The following STX8 variants were observed in gnomAD, a reference collection of about 807,000 sequenced individuals.
STX8 encodes the protein syntaxin 8.
Under a neutral mutation model 37.5 loss-of-function variants are expected in STX8, and 23 were observed. The observed-to-expected ratio is 0.61, with a 90% CI of 0.44 to 0.87. The LOEUF (loss-of-function observed/expected upper bound fraction) is 0.87, where lower values mean the gene tolerates loss of function less well. Among genes scored for constraint, STX8 ranks in the 40% least tolerant of loss-of-function variants. The pLI is 0.00. For missense variants in STX8, 313 were observed against 284.7 expected, an observed-to-expected ratio of 1.10 and a Z score of -0.71; for synonymous variants, 115 against 99.1, an observed-to-expected ratio of 1.16 and a Z score of -0.95.
At chr17:9,432,851 T>G (rs1307578507) in intron 6 of STX8, among the ~76,000 whole-genome samples, 1 of 152,248 alleles carries the variant, frequency 6.6e-6, no homozygotes, top group East Asian at 1.9e-4. Flanking sequence ...TGATTGTTAT[T>G]AGCTAAAGGT....
chr17:9,398,385 C>G (rs1912483860), intron 6 of STX8, among the ~76,000 whole-genome samples: 1 of 152,106 alleles, frequency 6.6e-6, no homozygotes, highest in South Asian at 2.1e-4. Flanking sequence ...TGTGTAGTAT[C>G]CTACGAAATA....
intron 7 of STX8, among the ~76,000 whole-genome samples, chr17:9,303,881 G>A (rs189684914): frequency 6.6e-6 from 1 of 152,096 alleles, no homozygotes. Context: ...GTTATGTGGA[G>A]ATAACCTTTC....
intron 7 of STX8, among the ~76,000 whole-genome samples, chr17:9,318,762 T>C (rs1909470252): frequency 6.6e-6 from 1 of 152,190 alleles, no homozygotes; most frequent in Non-Finnish European, 1.5e-5. Flanking sequence ...ATGTGAGAAT[T>C]CATAAGGCAT....
intron 7 of STX8, chr17:9,273,425 T>C (rs1010000602): frequency 6.6e-6 from 1 of 152,188 alleles, no homozygotes; most frequent in African/African-American, 2.4e-5. Context: ...AAGATGGGGG[T>C]GAGCCTGGAA....
intron 6 of STX8, among the ~76,000 whole-genome samples, chr17:9,392,572 A>G (rs1237973925): frequency 6.6e-6 from 1 of 152,216 alleles, no homozygotes; most frequent in African/African-American, 2.4e-5. Context: ...GCACCACTAC[A>G]CTTCAGCCTG....
chr17:9,324,909 T>C (rs372474841), intron 7 of STX8, among the ~76,000 whole-genome samples: 1 of 152,198 alleles, frequency 6.6e-6, no homozygotes, highest in South Asian at 2.1e-4. Flanking sequence ...TTCGAGATGA[T>C]GCAAAGGCAA....
At chr17:9,304,010 TA>T in intron 7 of STX8, among the ~76,000 whole-genome samples, 2 of 151,264 alleles carry the variant, frequency 1.3e-5, no homozygotes, top group South Asian at 4.2e-4. Context: ...AAAGGCCAAA[TA>T]ATTAGGAAAA....
At chr17:9,434,030 G>T (rs554817878) in intron 6 of STX8, among the ~76,000 whole-genome samples, 1 of 152,028 alleles carries the variant, frequency 6.6e-6, no homozygotes, top group African/African-American at 2.4e-5. Flanking sequence ...TTGAGACGGA[G>T]GCTCACTCTA....
chr17:9,426,477 A>G (rs562186989), intron 6 of STX8, among the ~76,000 whole-genome samples: 144 of 152,336 alleles, frequency 9.5e-4, no homozygotes, highest in African/African-American at 3.1e-3. Context: ...CAGTGAGCCA[A>G]GATCGTGCCA....
chr17:9,332,774 C>G (rs1910004384), intron 7 of STX8, among the ~76,000 whole-genome samples: 1 of 152,162 alleles, frequency 6.6e-6, no homozygotes, highest in South Asian at 2.1e-4. Context: ...TTACTGTTTA[C>G]TATCTCGATT....
In STX8 at chr17:9,256,635, A is replaced by G. The variant is rs114848968; in HGVS notation, c.644-5990T>C. On this transcript the variant is annotated intron_variant, in intron 7 of 7. Coordinates refer to ENST00000306357, the MANE Select transcript of STX8 (RefSeq NM_004853.3). ...TCAGTAAGTATCACTAAAAGGCACC[A>G]TTAAAAAGACACACACACTCCCCCA... 4.4e-3 allele frequency among the ~76,000 whole-genome samples: 665 copies of G among 152,304 alleles called. 7 individuals are homozygous for G. Among genetic ancestry groups the G allele is most frequent in the African/African-American group, 0.015 (623 of 41,558 alleles).
At chr17:9,413,320 T>C (rs550250426) in intron 6 of STX8, among the ~76,000 whole-genome samples, 131 of 152,190 alleles carry the variant, frequency 8.6e-4, no homozygotes, top group Admixed American at 2.6e-3. Context: ...TACTCTGTTA[T>C]TGCACATCAA....
intron 7 of STX8, among the ~76,000 whole-genome samples, chr17:9,334,072 T>A (rs890198839): frequency 6.6e-6 from 1 of 150,638 alleles, no homozygotes; most frequent in Non-Finnish European, 1.5e-5. Context: ...GGAGTGCTGA[T>A]TGGTTGGGTC....
chr17:9,352,269 T>G (rs896544410), intron 7 of STX8, among the ~76,000 whole-genome samples: 1 of 152,042 alleles, frequency 6.6e-6, no homozygotes, highest in Non-Finnish European at 1.5e-5. Flanking sequence ...TCCTTAATAA[T>G]TAATAAATAA....
At chr17:9,403,108 A>C (rs1177926066) in intron 6 of STX8, among the ~76,000 whole-genome samples, 1 of 152,152 alleles carries the variant, frequency 6.6e-6, no homozygotes, top group Non-Finnish European at 1.5e-5. Flanking sequence ...ACTCCATAAG[A>C]GTCTGTCCAG....
intron 7 of STX8, among the ~76,000 whole-genome samples, chr17:9,357,390 T>G (rs956254970): frequency 1.3e-5 from 2 of 151,756 alleles, no homozygotes; most frequent in African/African-American, 2.4e-5. Context: ...ATTTAAAAAA[T>G]AAGAAGAAAA....
At chr17:9,479,805 G>A (rs970749674) in intron 6 of STX8, among the ~76,000 whole-genome samples, 43 of 150,906 alleles carry the variant, frequency 2.8e-4, no homozygotes, top group African/African-American at 1.0e-3. Flanking sequence ...CCTAACCCCC[G>A]CCTCCTGCCA....
intron 7 of STX8, among the ~76,000 whole-genome samples, chr17:9,255,426 C>G: frequency 6.6e-6 from 1 of 152,024 alleles, no homozygotes; most frequent in Non-Finnish European, 1.5e-5. Context: ...ACTTGGGAGG[C>G]TGAGGCAGGA....
chr17:9,562,824 C>A (rs569016280), intron 2 of STX8, among the ~76,000 whole-genome samples: 2 of 152,190 alleles, frequency 1.3e-5, no homozygotes, highest in South Asian at 2.1e-4. Flanking sequence ...AGAGTGACAA[C>A]CCCTTTGAGG....
Sources: gnomAD v4.1 joint callset for allele counts (sites outside exome capture counted in the v4.1 genomes callset) on GRCh38, gnomAD v4.1.1 for gene constraint, MANE v1.5 for transcripts, NCBI Gene and HGNC (gene_info 2026-07-23, HGNC 2026-07-21) for gene names.